The following BCKDHB variants were observed in gnomAD, a reference collection of about 807,000 sequenced individuals.
BCKDHB encodes branched chain keto acid dehydrogenase E1 subunit beta.
In BCKDHB, 41 loss-of-function variants were observed where a neutral mutation model predicts 48.5. The ratio of observed to expected loss-of-function variants is 0.85; its 90% CI spans 0.66 to 1.10. BCKDHB has a LOEUF of 1.10. Ranked by LOEUF, BCKDHB falls within the 50% of genes least tolerant of loss-of-function variation. The pLI, the probability that BCKDHB is intolerant of heterozygous loss-of-function variation, is 0.00. For missense variants in BCKDHB, 496 were observed against 494.2 expected, an observed-to-expected ratio of 1.00 and a Z score of -0.03; for synonymous variants, 201 against 174.8, an observed-to-expected ratio of 1.15 and a Z score of -1.18.
At chr6:80,335,522 G>A (rs1769545707) in intron 9 of BCKDHB, among the ~76,000 whole-genome samples, 1 of 152,030 alleles carries the variant, frequency 6.6e-6, no homozygotes. Context: ...TGAGAGCATT[G>A]CCTTTTTTCC....
intron 6 of BCKDHB, among the ~76,000 whole-genome samples, chr6:80,172,604 A>G (rs547931375): frequency 6.6e-6 from 1 of 152,250 alleles, no homozygotes; most frequent in South Asian, 2.1e-4. Flanking sequence ...CAGCCTGCCA[A>G]TAAATGCTTC....
chr6:80,307,084 G>A (rs772814727), intron 9 of BCKDHB, among the ~76,000 whole-genome samples: 2 of 152,068 alleles, frequency 1.3e-5, no homozygotes, highest in African/African-American at 4.8e-5. Context: ...TCTGAGACTC[G>A]CTCCCTAGTC....
intron 1 of BCKDHB, among the ~76,000 whole-genome samples, chr6:80,115,656 A>G (rs968447132): frequency 6.9e-6 from 1 of 144,586 alleles, no homozygotes; most frequent in African/African-American, 2.7e-5. Context: ...TTTTTTTTTG[A>G]GACAGAGTCT....
intron 9 of BCKDHB, among the ~76,000 whole-genome samples, chr6:80,285,063 A>G (rs1766562681): frequency 6.6e-6 from 1 of 152,136 alleles, no homozygotes; most frequent in Non-Finnish European, 1.5e-5. Context: ...ACTGAAACTT[A>G]ATCTTGCCTT....
the BCKDHB span, among the ~76,000 whole-genome samples, chr6:80,400,297 G>A: frequency 1.3e-5 from 2 of 151,910 alleles, no homozygotes; most frequent in African/African-American, 4.8e-5. Flanking sequence ...CTATAGAATG[G>A]GAGAAAATTT....
At chr6:80,442,003 T>G in the BCKDHB span, among the ~76,000 whole-genome samples, 1 of 152,128 alleles carries the variant, frequency 6.6e-6, no homozygotes, top group African/African-American at 2.4e-5. Context: ...AAATATAATT[T>G]AGTTGGATAT....
chr6:80,141,347 A>G (rs182656695), intron 3 of BCKDHB, among the ~76,000 whole-genome samples: 15 of 152,238 alleles, frequency 9.9e-5, no homozygotes, highest in Admixed American at 2.0e-4. Context: ...ATAAGAGGCT[A>G]GCGATCAGAA....
At chr6:80,415,599 A>C in the BCKDHB span, among the ~76,000 whole-genome samples, 1,689 of 152,190 alleles carry the variant, frequency 0.011, 17 homozygotes, top group African/African-American at 0.026. Context: ...GTTGAACCAA[A>C]CTTGCATCCC....
Position 80,343,694 on chromosome 6 carries a change from A to C in BCKDHB, c.1069A>C (p.Ile357Leu). Reference protein sequence around the residue: ...EECFLNLEAPISRVCGYDTPF... With the variant: ...EECFLNLEAPLSRVCGYDTPF... Reference sequence around the variant, plus strand: ...ATGTTTCTTGAACCTAGAGGCTCCTATATCAAGAGTATGTGGTTATGACAC... The same window carrying C: ...ATGTTTCTTGAACCTAGAGGCTCCTCTATCAAGAGTATGTGGTTATGACAC... The change falls in exon 10 of 10, where the codon ATA (isoleucine) becomes CTA (leucine). Residue 357 changes from isoleucine (I) to leucine (L), a missense_variant. Physicochemically the swap from Ile to Leu is conservative, Grantham distance 5. Coordinates refer to ENST00000320393, the MANE Select transcript of BCKDHB (RefSeq NM_183050.4). 1 of 1,614,056 alleles carries C rather than the reference A, an allele frequency of 6.2e-7. No homozygotes were observed. The highest frequency in any genetic ancestry group is 8.5e-7 in the Non-Finnish European group (1 of 1,179,962).
At chr6:80,234,093 A>G (rs570200429) in intron 8 of BCKDHB, among the ~76,000 whole-genome samples, 1 of 152,084 alleles carries the variant, frequency 6.6e-6, no homozygotes, top group Non-Finnish European at 1.5e-5. Context: ...ATCGAATGCC[A>G]CTGCTGCTGC....
rs1234236265 is a variant in BCKDHB, at chr6:80,288,029, T to G, written c.1038+14808T>G. 3.3e-5 allele frequency among the ~76,000 whole-genome samples: 5 copies of G among 152,310 alleles called. No individual in the cohort carries two copies. The East Asian group carries it at 7.7e-4, about 23-fold the overall frequency. On this transcript the variant is annotated intron_variant, in intron 9 of 9. Coordinates refer to ENST00000320393, the MANE Select transcript of BCKDHB (RefSeq NM_183050.4). ...TCATTGAATGACTTACAATTTGTTG[T>G]GTTGGAAATTAAATAATCCTCAGTA...
At chr6:80,152,185 A>T (rs950179400) in intron 3 of BCKDHB, among the ~76,000 whole-genome samples, 2 of 151,840 alleles carry the variant, frequency 1.3e-5, no homozygotes, top group Non-Finnish European at 2.9e-5. Context: ...CTGTTTATTC[A>T]GCATCAGCTA....
chr6:80,190,369 A>G (rs1773837727), intron 6 of BCKDHB, among the ~76,000 whole-genome samples: 1 of 152,190 alleles, frequency 6.6e-6, no homozygotes, highest in African/African-American at 2.4e-5. Context: ...CAAGCTTGAT[A>G]TATGTTTATA....
At chr6:80,230,199 C>T (rs368946331) in intron 8 of BCKDHB, among the ~76,000 whole-genome samples, 31 of 150,528 alleles carry the variant, frequency 2.1e-4, no homozygotes, top group South Asian at 1.3e-3. Flanking sequence ...CCACCACGCC[C>T]GGCTAATTTT....
At chr6:80,400,747 G>A in the BCKDHB span, among the ~76,000 whole-genome samples, 9 of 151,956 alleles carry the variant, frequency 5.9e-5, no homozygotes, top group East Asian at 7.7e-4. Flanking sequence ...TTTTTCTACC[G>A]TAAAGACACA....
At chr6:80,135,427 A>T (rs757890087) in intron 3 of BCKDHB, among the ~76,000 whole-genome samples, 29 of 152,254 alleles carry the variant, frequency 1.9e-4, no homozygotes, top group South Asian at 6.2e-4. Context: ...ATAGATTGTG[A>T]GATGTCTAAC....
In BCKDHB at chr6:80,134,083, G is replaced by T. The variant is rs141100800; in HGVS notation, c.343+4854G>T. Among the ~76,000 whole-genome samples the T allele has an allele frequency of 1.8e-3, 270 of 152,118 alleles. 1 individual carries two copies. The highest frequency in any genetic ancestry group is 6.0e-3 in the African/African-American group (251 of 41,504). ...TGTGTGTTATTAAAATAAGATTTTG[G>T]TGTGTCAGGTTTAAGGTATGTTTGT... On this transcript the variant is annotated intron_variant, in intron 3 of 9. Coordinates refer to ENST00000320393, the MANE Select transcript of BCKDHB (RefSeq NM_183050.4).
chr6:80,146,842 T>C (rs1479584579), intron 3 of BCKDHB, among the ~76,000 whole-genome samples: 6 of 152,144 alleles, frequency 3.9e-5, no homozygotes, highest in African/African-American at 1.4e-4. Flanking sequence ...CCAAGGAGAA[T>C]GTATTAATAA....
chr6:80,234,475 A>G (rs2127896277), intron 8 of BCKDHB, among the ~76,000 whole-genome samples: 1 of 152,274 alleles, frequency 6.6e-6, no homozygotes, highest in South Asian at 2.1e-4. Context: ...TTAATAATAA[A>G]TGGTGTCTTA....
Sources: gnomAD v4.1 joint callset for allele counts (sites outside exome capture counted in the v4.1 genomes callset) on GRCh38, gnomAD v4.1.1 for gene constraint, MANE v1.5 for transcripts, NCBI Gene and HGNC (gene_info 2026-07-23, HGNC 2026-07-21) for gene names.